Variants in MAML2 observed in about 807,000 individuals in gnomAD.
MAML2 encodes mastermind-like protein 2.
A neutral mutation model predicts 96.1 loss-of-function variants in MAML2; 22 were observed. The observed-to-expected ratio is 0.23, with a 90% CI of 0.16 to 0.33. The LOEUF (loss-of-function observed/expected upper bound fraction) is 0.33. MAML2 is among the 10% of genes least tolerant of loss of function. The pLI, the probability that MAML2 is intolerant of heterozygous loss-of-function variation, is 1.00. For missense variants in MAML2, 1,367 were observed against 1,392.4 expected, an observed-to-expected ratio of 0.98 and a Z score of 0.29; for synonymous variants, 561 against 521.3, an observed-to-expected ratio of 1.08 and a Z score of -1.04.
At chr11:96,305,006 G>A (rs1863444326) in intron 1 of MAML2, among the ~76,000 whole-genome samples, 2 of 152,076 alleles carry the variant, frequency 1.3e-5, no homozygotes, top group South Asian at 4.1e-4. Flanking sequence ...CTCACTTAAG[G>A]AAAAGGAATT....
At chr11:96,122,224 C>T (rs1860360266) in intron 1 of MAML2, among the ~76,000 whole-genome samples, 1 of 152,026 alleles carries the variant, frequency 6.6e-6, no homozygotes, top group Admixed American at 6.6e-5. Context: ...TACAGCTATG[C>T]TTTGGCCTCC....
Position 95,979,822 on chromosome 11 carries a change from T to G in MAML2, c.2597A>C (p.Asn866Thr), listed in dbSNP as rs200060347. The G allele has an allele frequency of 2.7e-5, 43 of 1,613,864 alleles. No individual in the cohort carries two copies. In the African/African-American group the frequency reaches 5.2e-4, roughly 20 times the overall value. ...RMPSLSTAVQ[N>T]MGMYGNLPCN... Reference sequence around the variant, plus strand: ...AGGCAGATTTCCATACATCCCCATATTCTGAACTGCTGTAGATAATGATGG... The same window carrying G: ...AGGCAGATTTCCATACATCCCCATAGTCTGAACTGCTGTAGATAATGATGG... The change falls in exon 5 of 5, where the codon AAT becomes ACT. Residue 866 changes from asparagine to threonine, a missense_variant. By Grantham distance (65) the Asn-to-Thr change is moderately conservative (BLOSUM62 0). Transcript: ENST00000524717.
rs542883353 is a variant in MAML2 at position 96,207,855 on chromosome 11, G to A, written c.514-114338C>T. ...TATCCTGGCTTGTGTAAACATATACGGTCATCACTAAATAGATGCCTCTCT... is the reference window on the plus strand; with the variant it reads ...TATCCTGGCTTGTGTAAACATATACAGTCATCACTAAATAGATGCCTCTCT... On this transcript the variant is annotated intron_variant, in intron 1 of 4. Coordinates refer to ENST00000524717, the MANE Select transcript of MAML2 (RefSeq NM_032427.4). Among the ~76,000 whole-genome samples, 58 of 152,134 alleles carry A rather than the reference G, an allele frequency of 3.8e-4. 1 individual carries two copies. The highest frequency in any genetic ancestry group is 2.1e-3 in the Admixed American group (32 of 15,296).
At chr11:96,266,904 A>G (rs74383109) in intron 1 of MAML2, among the ~76,000 whole-genome samples, 15,388 of 152,274 alleles carry the variant, frequency 0.1, 847 homozygotes, top group South Asian at 0.14. Context: ...ATTTAGAAAT[A>G]CGTGAGGCTT....
chr11:96,228,080 G>A (rs534830673), intron 1 of MAML2, among the ~76,000 whole-genome samples: 159 of 152,188 alleles, frequency 1.0e-3, no homozygotes, highest in African/African-American at 3.7e-3. Context: ...CCAGCCTGGG[G>A]GGAGAAAAAG....
At chr11:96,014,139 T>A (rs952238366) in intron 2 of MAML2, among the ~76,000 whole-genome samples, 1 of 152,132 alleles carries the variant, frequency 6.6e-6, no homozygotes, top group Non-Finnish European at 1.5e-5. Context: ...CACTTCCCCA[T>A]CTCACACCCT....
chr11:96,190,262 C>T (rs1861634938), intron 1 of MAML2, among the ~76,000 whole-genome samples: 1 of 152,088 alleles, frequency 6.6e-6, no homozygotes, highest in Non-Finnish European at 1.5e-5. Flanking sequence ...TTTAATCCAC[C>T]CAACAGCCCT....
chr11:96,062,061 A>G (rs537554976), intron 2 of MAML2, among the ~76,000 whole-genome samples: 2 of 152,332 alleles, frequency 1.3e-5, no homozygotes, highest in East Asian at 1.9e-4. Context: ...GATGATTTTA[A>G]TCATCTTAAA....
At chr11:96,052,851 T>C (rs1205522515) in intron 2 of MAML2, among the ~76,000 whole-genome samples, 1 of 152,252 alleles carries the variant, frequency 6.6e-6, no homozygotes, top group Non-Finnish European at 1.5e-5. Flanking sequence ...TTGAGTTCCC[T>C]GGCTTCTTTG....
intron 1 of MAML2, among the ~76,000 whole-genome samples, chr11:96,151,664 TCTTCC>T (rs1565230227): frequency 1.3e-5 from 2 of 152,160 alleles, no homozygotes; most frequent in African/African-American, 4.8e-5. Context: ...ACCTTCCCCC[TCTTCC>T]TTTGTCCTGT....
At chr11:96,079,756 A>C (rs979523369) in intron 2 of MAML2, among the ~76,000 whole-genome samples, 1 of 152,222 alleles carries the variant, frequency 6.6e-6, no homozygotes, top group Non-Finnish European at 1.5e-5. Flanking sequence ...AAAATGAGAG[A>C]GTAAACAAAC....
At chr11:96,290,839 G>A (rs1199153266) in intron 1 of MAML2, among the ~76,000 whole-genome samples, 1 of 152,036 alleles carries the variant, frequency 6.6e-6, no homozygotes, top group African/African-American at 2.4e-5. Context: ...AAGTGGTGAG[G>A]CTCCCAAAGG....
chr11:96,048,327 T>G (rs1858939446), intron 2 of MAML2, among the ~76,000 whole-genome samples: 1 of 152,204 alleles, frequency 6.6e-6, no homozygotes, highest in South Asian at 2.1e-4. Flanking sequence ...TAGTATAAAA[T>G]TACATGATCA....
At position 96,092,302 on chromosome 11, in the gene MAML2, A is replaced by G. The variant is rs1408226866; in HGVS notation, c.1729T>C (p.Ser577Pro). The change falls in exon 2 of 5, where the codon TCC becomes CCC. Residue 577 changes from serine to proline, a missense_variant. Ser to Pro is a moderately conservative substitution (Grantham distance 74). Coordinates refer to ENST00000524717, the MANE Select transcript of MAML2 (RefSeq NM_032427.4). This position sits in a 1 kb window ranked among gnomAD's most constrained non-coding sequence, Gnocchi z 4.1. ...ANQQMPSVLP[S>P]QNKPSLLHYT... Reference sequence around the variant, plus strand: ...TGTAGGAGAGAAGGCTTGTTCTGGGAAGGCAAAACAGAAGGCATCTGCTGG... The same window carrying G: ...TGTAGGAGAGAAGGCTTGTTCTGGGGAGGCAAAACAGAAGGCATCTGCTGG... 6.3e-7 allele frequency: 1 copy of G among 1,576,078 alleles called. No individual in the cohort carries two copies. Among genetic ancestry groups the G allele is most frequent in the African/African-American group, 1.4e-5 (1 of 74,048 alleles).
intron 2 of MAML2, among the ~76,000 whole-genome samples, chr11:96,010,921 C>G (rs945887808): frequency 6.6e-6 from 1 of 152,130 alleles, no homozygotes; most frequent in South Asian, 2.1e-4. Context: ...TCACTTTAAT[C>G]CAGAAAAATA....
intron 1 of MAML2, among the ~76,000 whole-genome samples, chr11:96,128,165 G>A (rs1329740687): frequency 1.3e-5 from 2 of 152,048 alleles, no homozygotes; most frequent in Admixed American, 6.5e-5. Flanking sequence ...AGGCCGAGGC[G>A]GGTGGATCAC....
intron 1 of MAML2, among the ~76,000 whole-genome samples, chr11:96,279,875 T>A (rs1288287037): frequency 6.6e-6 from 1 of 152,170 alleles, no homozygotes; most frequent in African/African-American, 2.4e-5. Context: ...CACTTTATAA[T>A]GGAGTTTTTC....
chr11:96,207,121 G>C lies in MAML2; in HGVS notation c.514-113604C>G, dbSNP rs559838831. Among the ~76,000 whole-genome samples, 50 of 152,168 alleles carry C rather than the reference G, an allele frequency of 3.3e-4. 1 individual carries two copies. The highest frequency in any genetic ancestry group is 4.1e-4 in the Non-Finnish European group (28 of 68,016). On this transcript the variant is annotated intron_variant, in intron 1 of 4. Transcript: ENST00000524717. ...TAGTCTGCCCTCTATAAAAGGACTT[G>C]TTTTCTTGTAACTGCACCAGTTAGA... is the stretch of plus-strand genomic sequence containing the variant.
chr11:96,232,686 C>T (rs559714894), intron 1 of MAML2, among the ~76,000 whole-genome samples: 3 of 152,028 alleles, frequency 2.0e-5, no homozygotes, highest in East Asian at 1.9e-4. Flanking sequence ...TTAGCCAGGA[C>T]GGTCTCGATC....
Sources: allele counts gnomAD v4.1 joint callset (sites outside exome capture counted in the v4.1 genomes callset), GRCh38; gene constraint gnomAD v4.1.1; non-coding constraint Gnocchi (gnomAD v3.1); transcripts MANE v1.5; gene names NCBI Gene and HGNC (gene_info 2026-07-23, HGNC 2026-07-21).